The following NAGLU variants were observed in gnomAD, a reference collection of about 807,000 sequenced individuals.
NAGLU encodes alpha-N-acetylglucosaminidase.
Under a neutral mutation model 43.4 loss-of-function variants are expected in NAGLU, and 34 were observed. The ratio of observed to expected loss-of-function variants is 0.78; its 90% CI spans 0.60 to 1.04. The LOEUF is 1.04. NAGLU is among the 50% of genes least tolerant of loss of function. The pLI is 0.00. For synonymous variants in NAGLU, 425 were observed against 437.6 expected, an observed-to-expected ratio of 0.97 and a Z score of 0.36; for missense variants, 910 against 993.7, an observed-to-expected ratio of 0.92 and a Z score of 1.13.
At chr17:42,540,155 T>A (rs557376056) in intron 4 of NAGLU, among the ~76,000 whole-genome samples, 1 of 149,336 alleles carries the variant, frequency 6.7e-6, no homozygotes, top group Non-Finnish European at 1.5e-5. Flanking sequence ...AAACACCTCA[T>A]GTTCTCACTC....
At position 42,538,444 on chromosome 17, in the gene NAGLU, C is replaced by A; in HGVS notation, c.637C>A (p.Pro213Thr). The A allele has an allele frequency of 6.2e-7, 1 of 1,614,146 alleles. No individual in the cohort carries two copies. Among genetic ancestry groups the A allele is most frequent in the Non-Finnish European group, 8.5e-7 (1 of 1,180,022 alleles). ...RMGNLHTWDGPLPPSWHIKQL... is the reference protein window; with the variant it reads ...RMGNLHTWDGTLPPSWHIKQL... ...GGGCAACCTGCACACCTGGGATGGC[C>A]CCCTGCCCCCCTCCTGGCACATCAA... The change falls in exon 3 of 6, where the codon CCC becomes ACC. Residue 213 changes from proline to threonine, a missense_variant. Transcript: ENST00000225927.
At chr17:42,536,728 G>C in intron 1 of NAGLU, 73 bp downstream of exon 1, 1 of 1,360,932 alleles carries the variant, frequency 7.3e-7, no homozygotes, top group Non-Finnish European at 9.5e-7. Flanking sequence ...ACCCAAATCG[G>C]GAGGCTGAGC....
Position 42,541,170 on chromosome 17 carries a change from G to A in NAGLU, c.985G>A (p.Ala329Thr), listed in dbSNP as rs765774149. Residue 329 changes from alanine to threonine, a missense_variant, in exon 5 of 6, where the codon GCA becomes ACA. By Grantham distance (58) the Ala-to-Thr change is moderately conservative (BLOSUM62 0). Transcript: ENST00000225927. Reference sequence around the variant, plus strand: ...TTCCTCAGAGCCCTCCTACCTTGCCGCAGCCACCACTGCCGTCTATGAGGC... The same window carrying A: ...TTCCTCAGAGCCCTCCTACCTTGCCACAGCCACCACTGCCGTCTATGAGGC... ...PPSSEPSYLAAATTAVYEAMT... is the reference protein window; with the variant it reads ...PPSSEPSYLATATTAVYEAMT... The A allele has an allele frequency of 3.1e-6, 5 of 1,613,282 alleles. No individual in the cohort carries two copies. In the Admixed American group the frequency reaches 5.0e-5, roughly 16 times the overall value.
At position 42,544,142 on chromosome 17, in the gene NAGLU, G is replaced by C; in HGVS notation, c.2136G>C (p.Lys712Asn). ...FQLEQAFVLS[K>N]QRYPSQPRGD... ...TGGAGCAGGCCTTCGTTCTCAGCAA[G>C]CAGAGGTACCCCAGCCAGCCGCGAG... is the stretch of plus-strand genomic sequence containing the variant. The change falls in exon 6 of 6, where the codon AAG becomes AAC. Residue 712 changes from lysine to asparagine, a missense_variant. Physicochemically the swap from Lys to Asn is moderately conservative, Grantham distance 94 (BLOSUM62 0). Coordinates refer to ENST00000225927, the MANE Select transcript of NAGLU (RefSeq NM_000263.4). The C allele has an allele frequency of 6.2e-7, 1 of 1,613,978 alleles. No homozygotes were observed.
intron 1 of NAGLU, chr17:42,537,057 C>G: frequency 2.2e-6 from 1 of 457,870 alleles, no homozygotes; most frequent in South Asian, 2.1e-5. Flanking sequence ...GTTCACACAG[C>G]TGTCCTCCCC....
chr17:42,537,580 A>G (rs764670288), intron 2 of NAGLU, 35 bp downstream of exon 2: 67 of 1,609,924 alleles, frequency 4.2e-5, no homozygotes, highest in Admixed American at 6.7e-5. Flanking sequence ...ACCCTCCTCT[A>G]TGGCGGGAGC....
At position 42,538,754 on chromosome 17, in the gene NAGLU, A is replaced by T; in HGVS notation, c.763A>T (p.Arg255Trp). 6.2e-7 allele frequency: 1 copy of T among 1,613,910 alleles called. No individual in the cohort carries two copies. Among genetic ancestry groups the T allele is most frequent in the Non-Finnish European group, 8.5e-7 (1 of 1,180,026 alleles). The part of the protein sequence containing the change: ...FAGHVPEAVT[R>W]VFPQVNVTKM... The stretch of plus-strand genomic sequence containing the variant: ...GGGGCATGTTCCCGAGGCTGTCACC[A>T]GGTGAGGTTCCGCTCACCCCCTCCA... The change falls in exon 4 of 6, where the codon AGG becomes TGG. Residue 255 changes from arginine (R) to tryptophan (W), a missense_variant and splice_region_variant. Physicochemically the swap from Arg to Trp is moderately radical, Grantham distance 101. Coordinates refer to ENST00000225927, the MANE Select transcript of NAGLU (RefSeq NM_000263.4).
chr17:42,543,986 C>T lies in NAGLU; in HGVS notation c.1980C>T (p.Asn660=), dbSNP rs981984204. 5.0e-6 allele frequency: 8 copies of T among 1,610,820 alleles called. No individual in the cohort carries two copies. Among genetic ancestry groups the T allele is most frequent in the Non-Finnish European group, 6.8e-6 (8 of 1,178,588 alleles). The change falls in exon 6 of 6, where the codon AAC becomes AAT. Residue 660 remains asparagine, a synonymous_variant. Coordinates refer to ENST00000225927, the MANE Select transcript of NAGLU (RefSeq NM_000263.4). ...GPEGNILDYA[N]KQLAGLVANY... is the part of the protein sequence containing the mutation. The stretch of plus-strand genomic sequence containing the variant: ...AAGGCAACATCCTGGACTATGCCAA[C>T]AAGCAGCTGGCGGGGTTGGTGGCCA...
chr17:42,538,276 TTGAA>T (rs368717206), intron 2 of NAGLU, 59 bp from the exon 3 acceptor site: 41 of 1,603,480 alleles, frequency 2.6e-5, no homozygotes, highest in Middle Eastern at 1.7e-4. Flanking sequence ...TGAATGGTTG[TTGAA>T]TGAATGAATG....
rs550258549 is a variant in NAGLU, at chr17:42,542,700, G to C, written c.1022-328G>C. 3.9e-5 allele frequency among the ~76,000 whole-genome samples: 6 copies of C among 152,328 alleles called. No homozygotes were observed. The South Asian group carries it at 1.2e-3, about 32-fold the overall frequency. ...GTATAGACAGGGTTTCCCCACATTG[G>C]CCAGGCTGGTCTGGAACTCCTGGGC... On this transcript the variant is annotated intron_variant, in intron 5 of 5. Coordinates refer to ENST00000225927, the MANE Select transcript of NAGLU (RefSeq NM_000263.4).
chr17:42,536,997 C>CCCACCCTACAGGCCTGTGTTCCA, intron 1 of NAGLU: 1 of 452,142 alleles, frequency 2.2e-6, no homozygotes, highest in Non-Finnish European at 4.0e-6. Flanking sequence ...GCCTCCATCC[C>CCCACCCTACAGGCCTGTGTTCCA]CCACCCTACA....
intron 5 of NAGLU, 146 bp from the exon 6 acceptor site, chr17:42,542,882 C>A: frequency 2.4e-6 from 3 of 1,239,046 alleles, no homozygotes; most frequent in Non-Finnish European, 3.5e-6. Flanking sequence ...CAGAGGGACG[C>A]GTATGTGCCA....
At chr17:42,540,708 AAAAAG>A (rs1246772006) in intron 4 of NAGLU, among the ~76,000 whole-genome samples, 2 of 151,822 alleles carry the variant, frequency 1.3e-5, no homozygotes, top group East Asian at 3.9e-4. Context: ...AAAAAAAAAA[AAAAAG>A]AAAGAAAAAG....
At position 42,543,734 on chromosome 17, in the gene NAGLU, T is replaced by C. The variant is rs928665834; in HGVS notation, c.1728T>C (p.Tyr576=). Residue 576 remains tyrosine, a synonymous_variant, in exon 6 of 6, where the codon TAT becomes TAC. Coordinates refer to ENST00000225927, the MANE Select transcript of NAGLU (RefSeq NM_000263.4). Reference sequence around the variant, plus strand: ...TGCAGGAGCTGGTCAGCTTGTACTATGAGGAGGCAAGAAGCGCCTACCTGA... The same window carrying C: ...TGCAGGAGCTGGTCAGCTTGTACTACGAGGAGGCAAGAAGCGCCTACCTGA... ...QAVQELVSLY[Y]EEARSAYLSK... is the part of the protein sequence containing the mutation. The C allele has an allele frequency of 6.2e-7, 1 of 1,611,674 alleles. No homozygotes were observed. The highest frequency in any genetic ancestry group is 1.3e-5 in the African/African-American group (1 of 74,926).
intron 4 of NAGLU, among the ~76,000 whole-genome samples, chr17:42,539,978 G>A (rs2092917235): frequency 6.6e-6 from 1 of 151,998 alleles, no homozygotes; most frequent in South Asian, 2.1e-4. Context: ...GCCAGGCGTG[G>A]TGGCGGGCTC....
At position 42,536,306 on chromosome 17, in the gene NAGLU, G is replaced by GTCCT; in HGVS notation, c.37_40dup (p.Leu14ProfsTer179). 8.2e-7 allele frequency: 1 copy of GTCCT among 1,219,176 alleles called. No homozygotes were observed. The highest frequency in any genetic ancestry group is 1.0e-6 in the Non-Finnish European group (1 of 980,112). The allele number at this position is 1,219,176 out of a possible 1,614,324, so 75.5% of individuals were successfully genotyped here. On this transcript the variant is annotated frameshift_variant, in exon 1 of 6. Coordinates refer to ENST00000225927, the MANE Select transcript of NAGLU (RefSeq NM_000263.4). LOFTEE classifies it high-confidence loss of function. ...GGTGGCGGTGGCCGCGGCGGTGGGG[G>GTCCT]TCCTTCTCCTGGCCGGGGCCGGGGG...
Position 42,544,019 on chromosome 17 carries a change from C to T in NAGLU, c.2013C>T (p.Tyr671=), listed in dbSNP as rs934112717. 1.9e-6 allele frequency: 3 copies of T among 1,611,044 alleles called. No individual in the cohort carries two copies. The Admixed American group carries it at 5.0e-5, about 27-fold the overall frequency. ...TGGCGGGGTTGGTGGCCAACTACTA[C>T]ACCCCTCGCTGGCGGCTTTTCCTGG... The part of the protein sequence containing the change: ...KQLAGLVANY[Y]TPRWRLFLEA... Residue 671 remains tyrosine (Y), a synonymous_variant, in exon 6 of 6, where the codon TAC becomes TAT. Coordinates refer to ENST00000225927, the MANE Select transcript of NAGLU (RefSeq NM_000263.4).
rs149434978 is a variant in NAGLU at position 42,541,221 on chromosome 17, T to C, written c.1021+15T>C. 4.1e-4 allele frequency: 665 copies of C among 1,611,302 alleles called. 1 individual carries two copies. The African/African-American group carries it at 8.1e-3, about 20-fold the overall frequency. ...CATGACTGCAGGTACAGTGCCTGGG[T>C]GGGGTGGGAGAGCCCCCCAGACCCT... On this transcript the variant is annotated intron_variant, in intron 5 of 5. Transcript: ENST00000225927.
rs527236038 is a variant in NAGLU at position 42,543,952 on chromosome 17, G to T, written c.1946G>T (p.Trp649Leu). ...AACAGCCGCTACCAGCTGACCTTGT[G>T]GGGGCCAGAAGGCAACATCCTGGAC... is the stretch of plus-strand genomic sequence containing the variant. Reference protein sequence around the residue: ...EQNSRYQLTLWGPEGNILDYA... With the variant: ...EQNSRYQLTLLGPEGNILDYA... Residue 649 changes from tryptophan to leucine, a missense_variant, in exon 6 of 6, where the codon TGG (tryptophan) becomes TTG (leucine). Trp to Leu is a moderately conservative substitution (Grantham distance 61). Transcript: ENST00000225927. 1.2e-6 allele frequency: 2 copies of T among 1,609,462 alleles called. No individual in the cohort carries two copies. The highest frequency in any genetic ancestry group is 1.7e-6 in the Non-Finnish European group (2 of 1,177,900).
Sources: allele counts gnomAD v4.1 joint callset (sites outside exome capture counted in the v4.1 genomes callset), GRCh38; gene constraint gnomAD v4.1.1; transcripts MANE v1.5; gene names NCBI Gene and HGNC (gene_info 2026-07-23, HGNC 2026-07-21).